C6orf132: variants seen among roughly 807,000 people sequenced by gnomAD.
C6orf132 encodes uncharacterized protein C6orf132.
A neutral mutation model predicts 65.3 loss-of-function variants in C6orf132; 43 were observed. The ratio of observed to expected loss-of-function variants is 0.66; its 90% CI spans 0.52 to 0.85. The LOEUF is 0.85. C6orf132 is among the 40% of genes least tolerant of loss of function. The pLI is 0.00. For missense variants in C6orf132, 1,488 were observed against 1,548.8 expected (o/e 0.96, Z 0.66); for synonymous variants, 631 against 654.1 (o/e 0.96, Z 0.54).
chr6:42,139,945 T>C (rs1767007174), intron 1 of C6orf132, among the ~76,000 whole-genome samples: 1 of 152,178 alleles, frequency 6.6e-6, no homozygotes, highest in African/African-American at 2.4e-5. Context: ...TAGCCCTATG[T>C]ATTGACAGAG....
intron 2 of C6orf132, among the ~76,000 whole-genome samples, chr6:42,119,275 A>AAAAAAAAAAAAG (rs1562037439): frequency 7.8e-6 from 1 of 128,090 alleles, no homozygotes; most frequent in African/African-American, 2.9e-5. Flanking sequence ...AAAAAAAAAA[A>AAAAAAAAAAAAG]GGGAGAATTC....
At position 42,104,477 on chromosome 6, in the gene C6orf132, G is replaced by A; in HGVS notation, c.3435C>T (p.Ala1145=). 2.0e-5 allele frequency: 25 copies of A among 1,231,480 alleles called. No homozygotes were observed. The highest frequency in any genetic ancestry group is 2.1e-5 in the Non-Finnish European group (21 of 987,962). 76.3% of individuals were successfully genotyped at this position (1,231,480 alleles called of 1,614,324 possible). Residue 1145 remains alanine (A), a synonymous_variant, in exon 4 of 5, where the codon GCC becomes GCT. Coordinates refer to ENST00000341865, the MANE Select transcript of C6orf132 (RefSeq NM_001164446.3). This position sits in a 1 kb window ranked among gnomAD's most constrained non-coding sequence, Gnocchi z 4.1. ...KAPGSADYGF[A]PAAGRSPYTT... ...CCGCAGCTCACCTGCCGGCAGCTGG[G>A]GCGAAGCCGTAGTCGGCGCTGCCGG...
At chr6:42,122,365 C>A (rs1297292755) in intron 2 of C6orf132, among the ~76,000 whole-genome samples, 1 of 152,214 alleles carries the variant, frequency 6.6e-6, no homozygotes, top group Non-Finnish European at 1.5e-5. Flanking sequence ...ACTTCAAGGG[C>A]TTCTTCTCTG....
chr6:42,105,019 A>C lies in C6orf132; in HGVS notation c.2893T>G (p.Ser965Ala). ...TTGTTCGAAGGAGAAGGTGGGGAGGAGAAGGACTTGGGCAGCGGGTGGCCC... is the reference window on the plus strand; with the variant it reads ...TTGTTCGAAGGAGAAGGTGGGGAGGCGAAGGACTTGGGCAGCGGGTGGCCC... ...PQGHPLPKSF[S>A]SPPSPSNKRE... is the part of the protein sequence containing the mutation. Residue 965 changes from serine (S) to alanine (A), a missense_variant, in exon 4 of 5, where the codon TCC becomes GCC. Transcript: ENST00000341865. 1.3e-6 allele frequency: 2 copies of C among 1,532,376 alleles called. No homozygotes were observed. The highest frequency in any genetic ancestry group is 8.7e-7 in the Non-Finnish European group (1 of 1,145,292). The allele number at this position is 1,532,376 out of a possible 1,614,324, so 94.9% of individuals were successfully genotyped here.
Position 42,115,901 on chromosome 6 carries a change from CTTTT to C in C6orf132, c.253-5614_253-5611del, listed in dbSNP as rs1294472315. Among the ~76,000 whole-genome samples, 661 of 126,024 alleles carry C rather than the reference CTTTT, an allele frequency of 5.2e-3. 5 individuals are homozygous for C. Among genetic ancestry groups the C allele is most frequent in the African/African-American group, 0.017 (615 of 35,682 alleles). The allele number at this position is 126,024 out of a possible 152,430, so 82.7% of individuals were successfully genotyped here. The stretch of plus-strand genomic sequence containing the variant: ...GTATCAGGTACTCTTTCAGCACTTT[CTTTT>C]TTTTTTTTTCTTTTTTCTTTTTCTT... On this transcript the variant is annotated intron_variant, in intron 2 of 4. Coordinates refer to ENST00000341865, the MANE Select transcript of C6orf132 (RefSeq NM_001164446.3).
At chr6:42,127,139 G>A (rs1349694476) in intron 2 of C6orf132, among the ~76,000 whole-genome samples, 1 of 152,062 alleles carries the variant, frequency 6.6e-6, no homozygotes, top group African/African-American at 2.4e-5. Context: ...ATTTTTTGTA[G>A]AGATGGGGTT....
intron 2 of C6orf132, among the ~76,000 whole-genome samples, chr6:42,111,688 G>A (rs1301080882): frequency 6.6e-6 from 1 of 152,206 alleles, no homozygotes; most frequent in Non-Finnish European, 1.5e-5. Flanking sequence ...GCCTCCCAAA[G>A]TGTGGGGATA....
Position 42,118,970 on chromosome 6 carries a change from C to T in C6orf132, c.253-8679G>A, listed in dbSNP as rs533308514. Among the ~76,000 whole-genome samples, 763 of 142,584 alleles carry T rather than the reference C, an allele frequency of 5.4e-3. 7 individuals are homozygous for T. Among genetic ancestry groups the T allele is most frequent in the Non-Finnish European group, 9.4e-3 (623 of 66,500 alleles). The allele number at this position is 142,584 out of a possible 152,430, so 93.5% of individuals were successfully genotyped here. A position where few individuals can be genotyped will look rare whatever the true frequency, so the allele number is the denominator to read the frequency against. ...CTCACCGCAGCCTCAAATTCCTGAGCTCCTGTAATCCCAGCACTTTGGGAG... is the reference window on the plus strand; with the variant it reads ...CTCACCGCAGCCTCAAATTCCTGAGTTCCTGTAATCCCAGCACTTTGGGAG... On this transcript the variant is annotated intron_variant, in intron 2 of 4. Coordinates refer to ENST00000341865, the MANE Select transcript of C6orf132 (RefSeq NM_001164446.3).
At chr6:42,135,995 T>G (rs1766934982) in intron 1 of C6orf132, among the ~76,000 whole-genome samples, 1 of 151,868 alleles carries the variant, frequency 6.6e-6, no homozygotes, top group African/African-American at 2.4e-5. Flanking sequence ...TTGTTTTTCC[T>G]GAATGAGACT....
intron 1 of C6orf132, 106 bp downstream of exon 1, chr6:42,142,194 G>GT: frequency 7.6e-7 from 1 of 1,312,066 alleles, no homozygotes; most frequent in East Asian, 2.5e-5. Context: ...CAGTCCGCAG[G>GT]TTCCAACGTG....
At chr6:42,128,020 G>A (rs1234504391) in intron 2 of C6orf132, among the ~76,000 whole-genome samples, 4 of 151,442 alleles carry the variant, frequency 2.6e-5, no homozygotes, top group Admixed American at 2.0e-4. Flanking sequence ...CGCCTCCTGG[G>A]TTCATGCCAT....
At chr6:42,129,278 C>T (rs912356326) in intron 1 of C6orf132, among the ~76,000 whole-genome samples, 1 of 152,230 alleles carries the variant, frequency 6.6e-6, no homozygotes, top group African/African-American at 2.4e-5. Context: ...CAAGATTTCC[C>T]TGACCACCAA....
Position 42,124,836 on chromosome 6 carries a change from C to G in C6orf132, c.252+3836G>C, listed in dbSNP as rs572486853. Among the ~76,000 whole-genome samples the G allele has an allele frequency of 6.6e-6, 1 of 152,152 alleles. No individual in the cohort carries two copies. Among genetic ancestry groups the G allele is most frequent in the African/African-American group, 2.4e-5 (1 of 41,444 alleles). On this transcript the variant is annotated intron_variant, in intron 2 of 4. Coordinates refer to ENST00000341865, the MANE Select transcript of C6orf132 (RefSeq NM_001164446.3). The surrounding 1 kb of genome is among the most constrained non-coding windows in gnomAD (Gnocchi z 4.0). ...AAGCTCAGACAGGAGAGAATTAAGC[C>G]GCCAGCCGGATTCCCCTCCACCCGG...
intron 1 of C6orf132, among the ~76,000 whole-genome samples, chr6:42,132,673 C>A (rs990179808): frequency 2.6e-5 from 4 of 151,502 alleles, no homozygotes; most frequent in Non-Finnish European, 4.4e-5. Context: ...TATGGTGAAA[C>A]CCTGTCTCTA....
At position 42,104,606 on chromosome 6, in the gene C6orf132, C is replaced by T. The variant is rs1287270795; in HGVS notation, c.3306G>A (p.Arg1102=). The change falls in exon 4 of 5, where the codon CGG becomes CGA. Residue 1102 remains arginine, a synonymous_variant. Coordinates refer to ENST00000341865, the MANE Select transcript of C6orf132 (RefSeq NM_001164446.3). This position sits in a 1 kb window ranked among gnomAD's most constrained non-coding sequence, Gnocchi z 4.1. ...FGPQPGGPEM[R]RVNSAGRAPP... The stretch of plus-strand genomic sequence containing the variant: ...GCGCGCGACCCGCCGAGTTCACGCG[C>T]CGCATCTCGGGGCCTCCGGGCTGCG... The T allele has an allele frequency of 4.4e-6, 6 of 1,348,392 alleles. No individual in the cohort carries two copies. The African/African-American group carries it at 4.6e-5, about 10-fold the overall frequency. 83.5% of individuals were successfully genotyped at this position (1,348,392 alleles called of 1,614,324 possible). A position where few individuals can be genotyped will look rare whatever the true frequency, so the allele number is the denominator to read the frequency against.
chr6:42,104,697 T>A lies in C6orf132; in HGVS notation c.3215A>T (p.His1072Leu), dbSNP rs1239365195. Residue 1072 changes from histidine to leucine, a missense_variant, in exon 4 of 5, where the codon CAC becomes CTC. Transcript: ENST00000341865. This position sits in a 1 kb window ranked among gnomAD's most constrained non-coding sequence, Gnocchi z 4.1. ...IKKRLYVGEP[H>L]RGPGLPHGGT... is the part of the protein sequence containing the mutation. ...ACCGTGGGGTAGCCCTGGGCCTCGGTGCGGCTCCCCGACGTACAGGCGCTT... is the reference window on the plus strand; with the variant it reads ...ACCGTGGGGTAGCCCTGGGCCTCGGAGCGGCTCCCCGACGTACAGGCGCTT... The A allele has an allele frequency of 1.3e-6, 2 of 1,520,646 alleles. No individual in the cohort carries two copies. The allele number at this position is 1,520,646 out of a possible 1,614,324, so 94.2% of individuals were successfully genotyped here. A position where few individuals can be genotyped will look rare whatever the true frequency, so the allele number is the denominator to read the frequency against.
At chr6:42,141,180 T>C (rs567805691) in intron 1 of C6orf132, among the ~76,000 whole-genome samples, 2 of 152,348 alleles carry the variant, frequency 1.3e-5, no homozygotes, top group South Asian at 4.1e-4. Context: ...CCTGCTCCTA[T>C]CCATGGTGCC....
chr6:42,135,391 G>T (rs1432166913), intron 1 of C6orf132, among the ~76,000 whole-genome samples: 3 of 152,226 alleles, frequency 2.0e-5, no homozygotes, highest in Non-Finnish European at 2.9e-5. Context: ...CTCTCAGCCT[G>T]GGCTGGGGTA....
chr6:42,138,238 C>T (rs922410585), intron 1 of C6orf132, among the ~76,000 whole-genome samples: 2 of 152,134 alleles, frequency 1.3e-5, no homozygotes, highest in African/African-American at 4.8e-5. Flanking sequence ...CCTCTATCTC[C>T]CAGGCTCAAG....
Sources: allele counts gnomAD v4.1 joint callset (sites outside exome capture counted in the v4.1 genomes callset), GRCh38; gene constraint gnomAD v4.1.1; non-coding constraint Gnocchi (gnomAD v3.1); transcripts MANE v1.5; gene names NCBI Gene and HGNC (gene_info 2026-07-23, HGNC 2026-07-21).